The following PDE4D variants were observed in gnomAD, a reference collection of about 807,000 sequenced individuals.
PDE4D encodes the protein 3',5'-cyclic-AMP phosphodiesterase 4D.
In PDE4D, 24 loss-of-function variants were observed where a neutral mutation model predicts 87.4. That is an observed-to-expected ratio of 0.27 (90% CI 0.20 to 0.39). The LOEUF is 0.39. Among genes scored for constraint, PDE4D ranks in the 10% least tolerant of loss-of-function variants. The pLI is 1.00. For synonymous variants in PDE4D, 384 were observed against 383.2 expected, an observed-to-expected ratio of 1.00 and a Z score of -0.02; for missense variants, 714 against 1,041.0, an observed-to-expected ratio of 0.69 and a Z score of 4.32.
At chr5:60,176,209 C>T (rs1783885728) in intron 2 of PDE4D, among the ~76,000 whole-genome samples, 1 of 152,154 alleles carries the variant, frequency 6.6e-6, no homozygotes, top group Non-Finnish European at 1.5e-5. Context: ...TTAGCTGAAT[C>T]ATCTTGCTGG....
Position 58,974,694 on chromosome 5 carries a change from ACAGGCTT to A in PDE4D, c.2393_2399del (p.Glu798ValfsTer3). The A allele has an allele frequency of 1.2e-6, 2 of 1,604,240 alleles. No individual in the cohort carries two copies. The highest frequency in any genetic ancestry group is 1.1e-5 in the South Asian group (1 of 90,148). ...TGTCAGGAGAACGATCATCTATGAC[ACAGGCTT>A]CAGGCTGGCTTTCCTCTTCTTCCCC... is the stretch of plus-strand genomic sequence containing the variant. On this transcript the variant is annotated frameshift_variant, in exon 15 of 15. Transcript: ENST00000340635. LOFTEE classifies it high-confidence loss of function.
intron 2 of PDE4D, among the ~76,000 whole-genome samples, chr5:59,213,123 T>G (rs1286403467): frequency 6.6e-6 from 1 of 151,254 alleles, no homozygotes. Context: ...CTTCTCCTTC[T>G]TCTCTTCTCT....
intron 3 of PDE4D, among the ~76,000 whole-genome samples, chr5:59,936,268 G>A (rs941304394): frequency 2.0e-5 from 3 of 152,040 alleles, no homozygotes; most frequent in Admixed American, 1.3e-4. Context: ...GTTAAATGAC[G>A]AGTTAATGGG....
At chr5:59,449,164 G>C (rs764056530) in intron 1 of PDE4D, among the ~76,000 whole-genome samples, 37 of 152,334 alleles carry the variant, frequency 2.4e-4, no homozygotes, top group Middle Eastern at 3.4e-3. Context: ...CCTTCACCCA[G>C]AGTGTTCCAG....
intron 6 of PDE4D, among the ~76,000 whole-genome samples, chr5:59,031,483 C>A (rs4619980): frequency 0.89 from 129,476 of 144,966 alleles, 58,009 homozygotes; most frequent in African/African-American, 0.97. Flanking sequence ...CGAGGCGGGC[C>A]GATCACAAGG....
chr5:60,393,991 T>C (rs1762719131), intron 1 of PDE4D, among the ~76,000 whole-genome samples: 1 of 152,242 alleles, frequency 6.6e-6, no homozygotes, highest in Admixed American at 6.5e-5. Flanking sequence ...TCCATGTGTA[T>C]TTTCTACTAA....
intron 1 of PDE4D, among the ~76,000 whole-genome samples, chr5:60,373,708 C>A (rs1225573997): frequency 2.6e-5 from 4 of 152,146 alleles, no homozygotes; most frequent in African/African-American, 4.8e-5. Flanking sequence ...AAGAAGGGAT[C>A]TTTTTGGCCT....
At chr5:59,205,653 A>C (rs1253885761) in intron 2 of PDE4D, among the ~76,000 whole-genome samples, 1 of 136,326 alleles carries the variant, frequency 7.3e-6, no homozygotes, top group Non-Finnish European at 1.6e-5. Context: ...CCACTAGCTA[A>C]ACACACACAC....
chr5:59,852,838 G>A (rs763920536), intron 1 of PDE4D, among the ~76,000 whole-genome samples: 2 of 151,668 alleles, frequency 1.3e-5, no homozygotes, highest in African/African-American at 4.8e-5. Context: ...AAAAAAAAGA[G>A]TCGTTCAGTA....
chr5:60,358,579 A>G (rs1759809648), intron 1 of PDE4D, among the ~76,000 whole-genome samples: 1 of 152,174 alleles, frequency 6.6e-6, no homozygotes, highest in Non-Finnish European at 1.5e-5. Flanking sequence ...TTTACAGGAC[A>G]GCCAGCCATC....
chr5:59,997,709 T>C (rs1398049402), intron 2 of PDE4D, among the ~76,000 whole-genome samples: 1 of 152,206 alleles, frequency 6.6e-6, no homozygotes, highest in Non-Finnish European at 1.5e-5. Context: ...CAAAAGAATG[T>C]TTATATTAAA....
At chr5:60,044,367 T>C (rs1562015997) in intron 2 of PDE4D, among the ~76,000 whole-genome samples, 1 of 39,264 alleles carries the variant, frequency 2.5e-5, no homozygotes, top group Non-Finnish European at 5.2e-5. Context: ...TAGTTTTTCC[T>C]TTTTTTTATA....
At chr5:59,366,819 G>A (rs750990078) in intron 1 of PDE4D, among the ~76,000 whole-genome samples, 1 of 152,136 alleles carries the variant, frequency 6.6e-6, no homozygotes, top group Admixed American at 6.5e-5. Context: ...AATTATTTCT[G>A]ATGTGCCTAG....
intron 1 of PDE4D, among the ~76,000 whole-genome samples, chr5:59,677,591 A>G (rs951212218): frequency 1.3e-5 from 2 of 152,212 alleles, no homozygotes; most frequent in African/African-American, 4.8e-5. Flanking sequence ...TTTTTTGTAC[A>G]ATGTAGACAG....
At chr5:59,584,415 CACA>C (rs752732811) in intron 1 of PDE4D, among the ~76,000 whole-genome samples, 112 of 152,170 alleles carry the variant, frequency 7.4e-4, no homozygotes, top group African/African-American at 1.6e-3. Context: ...TTAGTTTGGC[CACA>C]ACAACAACAA....
chr5:59,620,349 T>C (rs1421294257), intron 1 of PDE4D, among the ~76,000 whole-genome samples: 1 of 152,082 alleles, frequency 6.6e-6, no homozygotes, highest in African/African-American at 2.4e-5. Context: ...CTGTTTGGGT[T>C]TATGAGGAGA....
chr5:59,120,225 A>T (rs1774259125), intron 5 of PDE4D, among the ~76,000 whole-genome samples: 1 of 152,184 alleles, frequency 6.6e-6, no homozygotes. Flanking sequence ...ATCTGAAAAG[A>T]TTCATTATTT....
At chr5:59,905,482 T>C (rs1325282587) in intron 3 of PDE4D, among the ~76,000 whole-genome samples, 1 of 152,092 alleles carries the variant, frequency 6.6e-6, no homozygotes, top group Non-Finnish European at 1.5e-5. Context: ...TTCTTAAAAG[T>C]ATGTCATTTA....
At chr5:60,107,638 C>T (rs1777147197) in intron 2 of PDE4D, among the ~76,000 whole-genome samples, 1 of 152,160 alleles carries the variant, frequency 6.6e-6, no homozygotes, top group Non-Finnish European at 1.5e-5. Flanking sequence ...AATCCAGCAG[C>T]ACATCAAAAA....
Sources: gnomAD v4.1 joint callset for allele counts (sites outside exome capture counted in the v4.1 genomes callset) on GRCh38, gnomAD v4.1.1 for gene constraint, MANE v1.5 for transcripts, NCBI Gene and HGNC (gene_info 2026-07-23, HGNC 2026-07-21) for gene names.